SVEP1: variants seen among roughly 807,000 people sequenced by gnomAD.
SVEP1 encodes the protein sushi, von Willebrand factor type A, EGF and pentraxin domain containing 1, also known as sushi, von Willebrand factor type A, EGF and pentraxin domain-containing protein 1.
SVEP1 carries 164 observed loss-of-function variants against 367.3 expected under a neutral mutation model. That is an observed-to-expected ratio of 0.45 (90% confidence interval 0.39 to 0.51). The LOEUF is 0.51. Among genes scored for constraint, SVEP1 ranks in the 20% least tolerant of loss-of-function variants. SVEP1 has a pLI of 0.00. For synonymous variants in SVEP1, 1,666 were observed against 1,611.6 expected, an observed-to-expected ratio of 1.03 and a Z score of -0.81; for missense variants, 4,117 against 4,425.3, an observed-to-expected ratio of 0.93 and a Z score of 1.98.
chr9:110,390,012 A>AGTGT (rs138667082), intron 40 of SVEP1, among the ~76,000 whole-genome samples: 4,508 of 115,548 alleles, frequency 0.039, 103 homozygotes, highest in South Asian at 0.064. Flanking sequence ...TATACACATA[A>AGTGT]GTGTGTGTGT....
chr9:110,383,380 GCA>G, intron 43 of SVEP1, among the ~76,000 whole-genome samples: 1 of 152,234 alleles, frequency 6.6e-6, no homozygotes, highest in South Asian at 2.1e-4. Context: ...TGCCTGGGTC[GCA>G]CCTGCACCTG....
intron 42 of SVEP1, among the ~76,000 whole-genome samples, chr9:110,386,800 C>T (rs76721732): frequency 0.01 from 1,554 of 152,328 alleles, 31 homozygotes; most frequent in African/African-American, 0.035. Context: ...TATGATGATA[C>T]TTGAAACAGT....
Position 110,434,768 on chromosome 9 carries a change from A to G in SVEP1, c.4889-262T>C, listed in dbSNP as rs1174340448. Among the ~76,000 whole-genome samples the G allele has an allele frequency of 5.3e-5, 8 of 151,530 alleles. No homozygotes were observed. In the South Asian group the frequency reaches 1.7e-3, roughly 32 times the overall value. ...GTTCTTGTAAGTTATCAAAAGCCAT[A>G]AATTCTAGGACAGTCTAAGAAACTC... On this transcript the variant is annotated intron_variant, in intron 29 of 47. Coordinates refer to ENST00000374469, the MANE Select transcript of SVEP1 (RefSeq NM_153366.4).
At chr9:110,446,119 A>T in intron 25 of SVEP1, 81 bp from the exon 26 acceptor site, 2 of 1,284,546 alleles carry the variant, frequency 1.6e-6, no homozygotes, top group Non-Finnish European at 2.2e-6. Context: ...GCTATTGTCA[A>T]AGAAGCTCAT....
At chr9:110,531,738 C>T (rs367551876) in intron 3 of SVEP1, among the ~76,000 whole-genome samples, 1 of 152,222 alleles carries the variant, frequency 6.6e-6, no homozygotes, top group South Asian at 2.1e-4. Context: ...TTAAATAGCT[C>T]GTTTAGTAAA....
intron 40 of SVEP1, among the ~76,000 whole-genome samples, chr9:110,391,732 G>A (rs1827658647): frequency 6.6e-6 from 1 of 152,140 alleles, no homozygotes; most frequent in African/African-American, 2.4e-5. Flanking sequence ...TACAAATACT[G>A]ATGTGCAGCA....
At chr9:110,373,311 G>C (rs971605803) in intron 46 of SVEP1, among the ~76,000 whole-genome samples, 1 of 152,140 alleles carries the variant, frequency 6.6e-6, no homozygotes, top group Non-Finnish European at 1.5e-5. Flanking sequence ...CTACATTCAT[G>C]AATGGCTCAA....
chr9:110,479,868 T>C lies in SVEP1; in HGVS notation c.2366-112A>G, dbSNP rs573849782. Reference sequence around the variant, plus strand: ...TTTAATTCTAACATAATTTGTGGGATTGTTATAAAAACAAGAGATGACAGT... The same window carrying C: ...TTTAATTCTAACATAATTTGTGGGACTGTTATAAAAACAAGAGATGACAGT... On this transcript the variant is annotated intron_variant, in intron 12 of 47. Transcript: ENST00000374469. 155 of 1,451,072 alleles carry C rather than the reference T, an allele frequency of 1.1e-4. No individual in the cohort carries two copies. In the East Asian group the frequency reaches 3.5e-3, roughly 33 times the overall value. The allele number at this position is 1,451,072 out of a possible 1,614,324, so 89.9% of individuals were successfully genotyped here. A position where few individuals can be genotyped will look rare whatever the true frequency, so the allele number is the denominator to read the frequency against.
At chr9:110,370,617 A>C (rs1244162461) in intron 46 of SVEP1, among the ~76,000 whole-genome samples, 1 of 152,218 alleles carries the variant, frequency 6.6e-6, no homozygotes, top group African/African-American at 2.4e-5. Context: ...GAAACTGGTT[A>C]GTCACAGATA....
intron 7 of SVEP1, among the ~76,000 whole-genome samples, chr9:110,498,595 A>C (rs1001420409): frequency 6.6e-6 from 1 of 152,128 alleles, no homozygotes; most frequent in South Asian, 2.1e-4. Context: ...TTTTACTTCT[A>C]AGAACTCTTT....
rs779348403 is a variant in SVEP1, at chr9:110,411,111, G to A, written c.6600C>T (p.His2200=). The change falls in exon 37 of 48, where the codon CAC becomes CAT. Residue 2200 remains histidine, a synonymous_variant. Coordinates refer to ENST00000374469, the MANE Select transcript of SVEP1 (RefSeq NM_153366.4). ...GQWSSPIPTC[H]PVSCGEPPKV... ...TAGGTGGTTCACCACAAGATACCGG[G>A]TGGCACGTCGGTATAGGACTACTCC... 3.1e-6 allele frequency: 5 copies of A among 1,609,760 alleles called. No homozygotes were observed. Among genetic ancestry groups the A allele is most frequent in the Non-Finnish European group, 4.2e-6 (5 of 1,177,650 alleles).
At position 110,427,856 on chromosome 9, in the gene SVEP1, G is replaced by T. The variant is rs879243723; in HGVS notation, c.5808-98C>A. 3.3e-5 allele frequency: 46 copies of T among 1,386,062 alleles called. No homozygotes were observed. The South Asian group carries it at 6.3e-4, about 19-fold the overall frequency. The allele number at this position is 1,386,062 out of a possible 1,614,324, so 85.9% of individuals were successfully genotyped here. A position where few individuals can be genotyped will look rare whatever the true frequency, so the allele number is the denominator to read the frequency against. On this transcript the variant is annotated intron_variant, in intron 35 of 47. Coordinates refer to ENST00000374469, the MANE Select transcript of SVEP1 (RefSeq NM_153366.4). ...CTGGAGAAAATAAGGGACATTTGAG[G>T]AATTTGAGTACACAAAAATAGCATT...
At chr9:110,413,418 C>T (rs1828073701) in intron 36 of SVEP1, among the ~76,000 whole-genome samples, 1 of 146,186 alleles carries the variant, frequency 6.8e-6, no homozygotes, top group African/African-American at 2.5e-5. Context: ...GGAGGGATAG[C>T]TTTGGGAGAT....
intron 1 of SVEP1, among the ~76,000 whole-genome samples, chr9:110,560,010 T>C (rs1456199883): frequency 6.6e-6 from 1 of 152,162 alleles, no homozygotes; most frequent in East Asian, 1.9e-4. Flanking sequence ...TGAGTGTGAC[T>C]GACTCATACA....
intron 5 of SVEP1, among the ~76,000 whole-genome samples, chr9:110,509,593 C>T (rs1032371540): frequency 1.6e-4 from 24 of 152,304 alleles, no homozygotes; most frequent in African/African-American, 5.3e-4. Context: ...TCACTGCAGC[C>T]TCCAACTCCT....
rs1301404395 is a variant in SVEP1 at position 110,513,613 on chromosome 9, A to G, written c.1123+335T>C. ...TTCAAAGATAAATGTGACTATCTCC[A>G]GAGCCAAGATGAGCTCATTTTTATT... On this transcript the variant is annotated intron_variant, in intron 4 of 47. Transcript: ENST00000374469. 1.3e-5 allele frequency among the ~76,000 whole-genome samples: 2 copies of G among 152,212 alleles called. 1 individual carries two copies. The highest frequency in any genetic ancestry group is 2.9e-5 in the Non-Finnish European group (2 of 68,038).
At chr9:110,570,499 TAGAC>T (rs1830543476) in intron 1 of SVEP1, among the ~76,000 whole-genome samples, 1 of 150,368 alleles carries the variant, frequency 6.7e-6, no homozygotes, top group East Asian at 2.0e-4. Context: ...TGTGTGTGTG[TAGAC>T]AGAGTCTTGC....
intron 40 of SVEP1, among the ~76,000 whole-genome samples, chr9:110,390,067 A>AAG (rs1564127165): frequency 1.4e-5 from 2 of 138,798 alleles, no homozygotes; most frequent in Non-Finnish European, 1.6e-5. Context: ...ATATATAAGT[A>AAG]TATATATATA....
intron 27 of SVEP1, among the ~76,000 whole-genome samples, chr9:110,437,832 A>G (rs1828454377): frequency 6.6e-6 from 1 of 152,008 alleles, no homozygotes. Context: ...TACTCTTTCA[A>G]TTTGATCTCC....
Sources: allele counts gnomAD v4.1 joint callset (sites outside exome capture counted in the v4.1 genomes callset), GRCh38; gene constraint gnomAD v4.1.1; transcripts MANE v1.5; gene names NCBI Gene and HGNC (gene_info 2026-07-23, HGNC 2026-07-21).